The following MAN1A1 variants were observed in gnomAD, a reference collection of about 807,000 sequenced individuals.
MAN1A1 encodes the protein mannosyl-oligosaccharide 1,2-alpha-mannosidase IA.
A neutral mutation model predicts 70.8 loss-of-function variants in MAN1A1; 29 were observed. That is an observed-to-expected ratio of 0.41 (90% CI 0.31 to 0.56). The LOEUF (loss-of-function observed/expected upper bound fraction) is 0.56, where lower values mean the gene tolerates loss of function less well. Among genes scored for constraint, MAN1A1 ranks in the 20% least tolerant of loss-of-function variants. MAN1A1 has a pLI of 0.29. For missense variants in MAN1A1, 747 were observed against 841.3 expected, an observed-to-expected ratio of 0.89 and a Z score of 1.39; for synonymous variants, 349 against 330.1, an observed-to-expected ratio of 1.06 and a Z score of -0.62.
At chr6:119,242,105 T>C (rs958370558) in intron 6 of MAN1A1, among the ~76,000 whole-genome samples, 1 of 132,644 alleles carries the variant, frequency 7.5e-6, no homozygotes, top group African/African-American at 2.9e-5. Context: ...AACAGGGCTA[T>C]GTGGCTATTT....
At chr6:119,237,011 T>C (rs1320317703) in intron 6 of MAN1A1, among the ~76,000 whole-genome samples, 1 of 152,156 alleles carries the variant, frequency 6.6e-6, no homozygotes, top group Non-Finnish European at 1.5e-5. Flanking sequence ...ACTGCAGATG[T>C]GGTAAAATAG....
chr6:119,277,349 A>C (rs1185599079), intron 5 of MAN1A1, among the ~76,000 whole-genome samples: 1 of 152,198 alleles, frequency 6.6e-6, no homozygotes, highest in Non-Finnish European at 1.5e-5. Context: ...AACTTAAAAA[A>C]ATACATAAAC....
rs921349055 is a variant in MAN1A1 at position 119,250,515 on chromosome 6, G to A, written c.898-2161C>T. ...ATTATATTTAAAGACTTTAAGACAC[G>A]TAGTAAACACTAACAGGTAGTTGTA... On this transcript the variant is annotated intron_variant, in intron 5 of 12. Transcript: ENST00000368468. Among the ~76,000 whole-genome samples, 6 of 152,290 alleles carry A rather than the reference G, an allele frequency of 3.9e-5. No individual in the cohort carries two copies. In the East Asian group the frequency reaches 7.7e-4, roughly 20 times the overall value.
rs951456606 is a variant in MAN1A1 at position 119,278,549 on chromosome 6, GT to G, written c.897+12133del. Among the ~76,000 whole-genome samples the G allele has an allele frequency of 2.6e-4, 40 of 151,404 alleles. No homozygotes were observed. In the South Asian group the frequency reaches 7.5e-3, roughly 29 times the overall value. On this transcript the variant is annotated intron_variant, in intron 5 of 12. Transcript: ENST00000368468. ...TTAAAGATCACTTCACCGGTACTTA[GT>G]TTTTTTTTAAACAGCAATTTTTACA...
chr6:119,259,231 A>C (rs1582743106), intron 5 of MAN1A1, among the ~76,000 whole-genome samples: 1 of 152,162 alleles, frequency 6.6e-6, no homozygotes, highest in South Asian at 2.1e-4. Flanking sequence ...CTCATTTTGT[A>C]AACAGTTACC....
At position 119,261,831 on chromosome 6, in the gene MAN1A1, T is replaced by C. The variant is rs1775623066; in HGVS notation, c.898-13477A>G. 2.6e-5 allele frequency among the ~76,000 whole-genome samples: 4 copies of C among 152,202 alleles called. No homozygotes were observed. The South Asian group carries it at 8.3e-4, about 31-fold the overall frequency. On this transcript the variant is annotated intron_variant, in intron 5 of 12. Transcript: ENST00000368468. ...GACTGGCCAACATCCTGAAGGTTAT[T>C]GTTCAGACAAGAATCATCCTAAGTA...
At chr6:119,349,357 C>G in intron 1 of MAN1A1, 70 bp from the exon 2 acceptor site, 2 of 1,078,816 alleles carry the variant, frequency 1.9e-6, no homozygotes, top group Non-Finnish European at 2.3e-6. Context: ...TCTCCGCCCT[C>G]CGACTCCTGG....
intron 5 of MAN1A1, among the ~76,000 whole-genome samples, chr6:119,276,609 T>C (rs1265176597): frequency 1.3e-5 from 2 of 152,228 alleles, no homozygotes; most frequent in Non-Finnish European, 2.9e-5. Flanking sequence ...GTTATTTGCC[T>C]TAATAGCTAA....
At chr6:119,260,980 T>C (rs868138050) in intron 5 of MAN1A1, among the ~76,000 whole-genome samples, 51,980 of 121,340 alleles carry the variant, frequency 0.43, 12,232 homozygotes, top group East Asian at 0.65. Context: ...TTTATTGTTT[T>C]TTTTTTTTTT....
At chr6:119,314,049 C>A (rs564147797) in intron 2 of MAN1A1, among the ~76,000 whole-genome samples, 4 of 152,198 alleles carry the variant, frequency 2.6e-5, no homozygotes, top group Admixed American at 6.5e-5. Context: ...TTTACAGGCA[C>A]GCGTCTAGAA....
chr6:119,292,234 T>C (rs9489673), intron 4 of MAN1A1, among the ~76,000 whole-genome samples: 57,381 of 151,840 alleles, frequency 0.38, 11,333 homozygotes, highest in Non-Finnish European at 0.41. Flanking sequence ...CTATTTAGAT[T>C]ATAAAGCACA....
intron 6 of MAN1A1, among the ~76,000 whole-genome samples, chr6:119,245,364 G>C (rs1163148806): frequency 6.6e-6 from 1 of 152,098 alleles, no homozygotes; most frequent in Non-Finnish European, 1.5e-5. Flanking sequence ...AGCAGCTCTA[G>C]GCCAGCTGTT....
chr6:119,200,415 T>C (rs192341026), intron 8 of MAN1A1, among the ~76,000 whole-genome samples: 159 of 152,330 alleles, frequency 1.0e-3, no homozygotes, highest in African/African-American at 3.7e-3. Context: ...TTTTGGCATA[T>C]ACTTTCCTAT....
chr6:119,336,449 A>C (rs1042158499), intron 2 of MAN1A1, among the ~76,000 whole-genome samples: 1 of 152,178 alleles, frequency 6.6e-6, no homozygotes, highest in African/African-American at 2.4e-5. Context: ...GAAATGGAGG[A>C]CCATTAAAAC....
intron 5 of MAN1A1, among the ~76,000 whole-genome samples, chr6:119,260,343 A>G (rs923101362): frequency 6.6e-6 from 1 of 152,200 alleles, no homozygotes; most frequent in African/African-American, 2.4e-5. Context: ...CTGGTATAAT[A>G]AGGATACACC....
intron 11 of MAN1A1, among the ~76,000 whole-genome samples, chr6:119,181,830 T>C (rs1773161425): frequency 6.6e-6 from 1 of 152,360 alleles, no homozygotes; most frequent in South Asian, 2.1e-4. Context: ...ATATACACCA[T>C]CTTCTGTGGT....
intron 6 of MAN1A1, among the ~76,000 whole-genome samples, chr6:119,227,237 C>T (rs897892516): frequency 6.6e-6 from 1 of 152,120 alleles, no homozygotes; most frequent in Non-Finnish European, 1.5e-5. Context: ...ATACTGACAG[C>T]AACATATCAG....
At chr6:119,326,617 T>C (rs1773153591) in intron 2 of MAN1A1, among the ~76,000 whole-genome samples, 1 of 152,216 alleles carries the variant, frequency 6.6e-6, no homozygotes, top group African/African-American at 2.4e-5. Context: ...AGAGGGCTCA[T>C]GGACTCACAG....
chr6:119,334,268 T>C (rs1319042857), intron 2 of MAN1A1, among the ~76,000 whole-genome samples: 2 of 152,212 alleles, frequency 1.3e-5, no homozygotes, highest in African/African-American at 4.8e-5. Context: ...TTTAAAAAGC[T>C]TGGGAAAAGA....
Sources: allele counts gnomAD v4.1 joint callset (sites outside exome capture counted in the v4.1 genomes callset), GRCh38; gene constraint gnomAD v4.1.1; transcripts MANE v1.5; gene names NCBI Gene and HGNC (gene_info 2026-07-23, HGNC 2026-07-21).